The following HAUS2 variants were observed in gnomAD, a reference collection of about 807,000 sequenced individuals.
HAUS2 encodes the protein HAUS augmin like complex subunit 2.
A neutral mutation model predicts 21.6 loss-of-function variants in HAUS2; 20 were observed. That is an observed-to-expected ratio of 0.93 (90% CI 0.65 to 1.35). The LOEUF (loss-of-function observed/expected upper bound fraction) is 1.35, where lower values mean the gene tolerates loss of function less well. Ranked by LOEUF, HAUS2 falls within the 40% of genes most tolerant of loss-of-function variation. The pLI is 0.00. For synonymous variants in HAUS2, 113 were observed against 95.6 expected (o/e 1.18, Z -1.06); for missense variants, 297 against 280.7 (o/e 1.06, Z -0.42).
In HAUS2 at chr15:42,548,881, T is replaced by A; in HGVS notation, c.9T>A (p.Ala3=). MA[A]ANPWDPASAP... The stretch of plus-strand genomic sequence containing the variant: ...GAAGGTGCGTCCGAGCCATGGCCGC[T>A]GCCAACCCGTGGGACCCGGCGTCCG... Residue 3 remains alanine, a synonymous_variant, in exon 1 of 6, where the codon GCT becomes GCA. Coordinates refer to ENST00000260372, the MANE Select transcript of HAUS2 (RefSeq NM_018097.3). The A allele has an allele frequency of 6.5e-7, 1 of 1,549,874 alleles. No individual in the cohort carries two copies. Among genetic ancestry groups the A allele is most frequent in the Non-Finnish European group, 8.7e-7 (1 of 1,146,552 alleles).
intron 1 of HAUS2, among the ~76,000 whole-genome samples, chr15:42,554,615 C>G (rs2057754390): frequency 6.6e-6 from 1 of 151,492 alleles, no homozygotes; most frequent in Admixed American, 6.6e-5. Flanking sequence ...CTCAGCCTCC[C>G]TAGTAGCTGG....
At chr15:42,549,386 G>A (rs1442625486) in intron 1 of HAUS2, among the ~76,000 whole-genome samples, 1 of 152,036 alleles carries the variant, frequency 6.6e-6, no homozygotes, top group Non-Finnish European at 1.5e-5. Context: ...TGGGGCGGGA[G>A]GTGCTGGGTA....
rs777253784 is a variant in HAUS2, at chr15:42,559,426, G to C, written c.256+18G>C. Reference sequence around the variant, plus strand: ...CTTTTTGGGTAAGTGGTTTGGTTAAGTGGATAATCACTGGAATTTCAACTT... The same window carrying C: ...CTTTTTGGGTAAGTGGTTTGGTTAACTGGATAATCACTGGAATTTCAACTT... On this transcript the variant is annotated intron_variant, in intron 3 of 5. Coordinates refer to ENST00000260372, the MANE Select transcript of HAUS2 (RefSeq NM_018097.3). 1 of 1,450,202 alleles carries C rather than the reference G, an allele frequency of 6.9e-7. No individual in the cohort carries two copies. The highest frequency in any genetic ancestry group is 1.7e-5 in the Admixed American group (1 of 59,396). 89.8% of individuals were successfully genotyped at this position (1,450,202 alleles called of 1,614,324 possible). A position where few individuals can be genotyped will look rare whatever the true frequency, so the allele number is the denominator to read the frequency against.
intron 1 of HAUS2, among the ~76,000 whole-genome samples, chr15:42,556,923 A>G (rs149545103): frequency 3.0e-3 from 462 of 152,040 alleles, no homozygotes; most frequent in African/African-American, 0.011. Flanking sequence ...GGGAAGCTGT[A>G]ATCCCAGCTA....
rs1227623876 is a variant in HAUS2, at chr15:42,567,033, AAAAT to A, written c.*219_*222del. 1 of 405,584 alleles carries A rather than the reference AAAAT, an allele frequency of 2.5e-6. No individual in the cohort carries two copies. The highest frequency in any genetic ancestry group is 4.4e-6 in the Non-Finnish European group (1 of 226,126). 25.1% of individuals were successfully genotyped at this position (405,584 alleles called of 1,614,324 possible). The stretch of plus-strand genomic sequence containing the variant: ...CTTTCAGTAAAACTAGAGAAGCTAA[AAAAT>A]AGCCATGACAATTTATTAATATAAG... On this transcript the variant is annotated 3_prime_UTR_variant, in exon 6 of 6. Transcript: ENST00000260372.
At chr15:42,552,929 G>A (rs1054542157) in intron 1 of HAUS2, among the ~76,000 whole-genome samples, 1 of 151,936 alleles carries the variant, frequency 6.6e-6, no homozygotes, top group Non-Finnish European at 1.5e-5. Flanking sequence ...AAAGAAGAAA[G>A]AGTGCCCACC....
At chr15:42,564,517 T>C (rs1281353361) in intron 5 of HAUS2, among the ~76,000 whole-genome samples, 2 of 152,208 alleles carry the variant, frequency 1.3e-5, no homozygotes, top group African/African-American at 4.8e-5. Context: ...TTTCTACTTA[T>C]AGGATTATAT....
chr15:42,550,900 C>T (rs1419941197), intron 1 of HAUS2, among the ~76,000 whole-genome samples: 1 of 152,082 alleles, frequency 6.6e-6, no homozygotes, highest in Non-Finnish European at 1.5e-5. Context: ...ATCTCCTGAC[C>T]TCGTGATCTG....
chr15:42,563,925 A>T, intron 5 of HAUS2, 68 bp downstream of exon 5: 1 of 777,676 alleles, frequency 1.3e-6, no homozygotes, highest in South Asian at 1.5e-5. Flanking sequence ...CTCCCAGTTT[A>T]GCTTTTTAAT....
intron 4 of HAUS2, 102 bp downstream of exon 4, chr15:42,561,504 G>C: frequency 1.3e-6 from 1 of 745,068 alleles, no homozygotes; most frequent in African/African-American, 1.7e-5. Flanking sequence ...ATTAGTGATT[G>C]TATTTGTTAA....
At position 42,555,451 on chromosome 15, in the gene HAUS2, G is replaced by A. The variant is rs192743853; in HGVS notation, c.94-2747G>A. Among the ~76,000 whole-genome samples, 165 of 152,152 alleles carry A rather than the reference G, an allele frequency of 1.1e-3. 2 individuals are homozygous for A. Among genetic ancestry groups the A allele is most frequent in the Admixed American group, 8.3e-3 (127 of 15,278 alleles). Reference sequence around the variant, plus strand: ...GCCTGTATTTCTAAATAAGTATTATGTATGATTATATTACTTCTTCACCAG... The same window carrying A: ...GCCTGTATTTCTAAATAAGTATTATATATGATTATATTACTTCTTCACCAG... On this transcript the variant is annotated intron_variant, in intron 1 of 5. Transcript: ENST00000260372.
chr15:42,564,918 C>T (rs979148602), intron 5 of HAUS2, among the ~76,000 whole-genome samples: 2 of 152,244 alleles, frequency 1.3e-5, no homozygotes, highest in Admixed American at 6.5e-5. Flanking sequence ...TCAGTGCAAC[C>T]TCCGCCTCTT....
chr15:42,556,076 T>G (rs1409699560), intron 1 of HAUS2, among the ~76,000 whole-genome samples: 1 of 150,792 alleles, frequency 6.6e-6, no homozygotes, highest in Non-Finnish European at 1.5e-5. Flanking sequence ...CCTCCCAAAC[T>G]AGCTGACTAG....
rs934859929 is a variant in HAUS2 at position 42,560,859 on chromosome 15, C to G, written c.257-411C>G. 34 of 702,000 alleles carry G rather than the reference C, an allele frequency of 4.8e-5. No homozygotes were observed. In the African/African-American group the frequency reaches 5.1e-4, roughly 10 times the overall value. 43.5% of individuals were successfully genotyped at this position (702,000 alleles called of 1,614,324 possible). A position where few individuals can be genotyped will look rare whatever the true frequency, so the allele number is the denominator to read the frequency against. ...TCTCCCGTTTCAGTCTCCCAAAACA[C>G]TGCGATTACAGGTATGAGCTAGAGC... On this transcript the variant is annotated intron_variant, in intron 3 of 5. Transcript: ENST00000260372.
intron 1 of HAUS2, among the ~76,000 whole-genome samples, chr15:42,553,957 C>G (rs1328315409): frequency 2.6e-5 from 4 of 152,206 alleles, no homozygotes; most frequent in Non-Finnish European, 4.4e-5. Flanking sequence ...TGGAGTAATA[C>G]TTTCCTGTTC....
intron 3 of HAUS2, among the ~76,000 whole-genome samples, chr15:42,560,285 T>C (rs2057835260): frequency 6.6e-6 from 1 of 152,192 alleles, no homozygotes. Context: ...GCTGTAGTTA[T>C]ATAGGAGAAT....
intron 3 of HAUS2, 88 bp from the exon 4 acceptor site, chr15:42,561,182 A>C (rs191412238): frequency 2.6e-6 from 2 of 757,048 alleles, no homozygotes; most frequent in Non-Finnish European, 4.5e-6. Flanking sequence ...AATTTTTGAC[A>C]TGGGTAGTGT....
At chr15:42,557,031 C>T (rs1170018214) in intron 1 of HAUS2, among the ~76,000 whole-genome samples, 3 of 149,122 alleles carry the variant, frequency 2.0e-5, no homozygotes, top group South Asian at 2.1e-4. Flanking sequence ...GTGACAAGAG[C>T]GAAACTCAGT....
rs1379489020 is a variant in HAUS2, at chr15:42,568,114, GAA to G, written c.*1301_*1302del. On this transcript the variant is annotated 3_prime_UTR_variant, in exon 6 of 6. Coordinates refer to ENST00000260372, the MANE Select transcript of HAUS2 (RefSeq NM_018097.3). ...CTGTGGGAATGTCACTAAGTATGCA[GAA>G]AAGAGTAACACAGCCAGCCTGACTT... 6.6e-6 allele frequency: 1 copy of G among 152,134 alleles called. No homozygotes were observed. The highest frequency in any genetic ancestry group is 1.5e-5 in the Non-Finnish European group (1 of 68,034). The allele number at this position is 152,134 out of a possible 1,614,324, so 9.4% of individuals were successfully genotyped here. A position where few individuals can be genotyped will look rare whatever the true frequency, so the allele number is the denominator to read the frequency against.
Sources: gnomAD v4.1 joint callset for allele counts (sites outside exome capture counted in the v4.1 genomes callset) on GRCh38, gnomAD v4.1.1 for gene constraint, MANE v1.5 for transcripts, NCBI Gene and HGNC (gene_info 2026-07-23, HGNC 2026-07-21) for gene names.